FAT3: variants seen among roughly 807,000 people sequenced by gnomAD.
FAT3 encodes FAT atypical cadherin 3.
FAT3 carries 95 observed loss-of-function variants against 310.2 expected under a neutral mutation model. The observed-to-expected ratio is 0.31, with a 90% CI of 0.26 to 0.36. FAT3 has a LOEUF of 0.36. FAT3 is among the 10% of genes least tolerant of loss of function. The pLI is 1.00. For missense variants in FAT3, 5,408 were observed against 5,715.6 expected (o/e 0.95, Z 1.74); for synonymous variants, 2,314 against 2,192.9 (o/e 1.06, Z -1.54).
intron 1 of FAT3, among the ~76,000 whole-genome samples, chr11:92,255,717 A>C (rs1249320969): frequency 6.6e-6 from 1 of 152,142 alleles, no homozygotes; most frequent in Non-Finnish European, 1.5e-5. Flanking sequence ...TAAGAGTAAC[A>C]CCTGCCCTAT....
At chr11:92,342,835 A>AT (rs1165085375) in intron 1 of FAT3, among the ~76,000 whole-genome samples, 2 of 152,050 alleles carry the variant, frequency 1.3e-5, no homozygotes, top group African/African-American at 4.8e-5. Context: ...TTTCTGGCAC[A>AT]TTTTTTCAGA....
chr11:92,866,942 A>G lies in FAT3; in HGVS notation c.11860A>G (p.Ser3954Gly), dbSNP rs2136349469. 6.2e-7 allele frequency: 1 copy of G among 1,613,728 alleles called. No individual in the cohort carries two copies. Among genetic ancestry groups the G allele is most frequent in the South Asian group, 1.1e-5 (1 of 91,036 alleles). The change falls in exon 22 of 28, where the codon AGT becomes GGT. Residue 3954 changes from serine to glycine, a missense_variant. This residue lies in a region of FAT3 where 4,588 missense variants were observed against 4,809.8 expected (regional missense o/e 0.95). Transcript: ENST00000525166. ...CTACTTCCAGACGCTGAGCACTGAG[A>G]GTAGCATCTACTTCGGCGCCCTGGT... ...PLYFQTLSTE[S>G]SIYFGALVQA...
intron 3 of FAT3, among the ~76,000 whole-genome samples, chr11:92,645,116 A>G (rs977953466): frequency 6.6e-6 from 1 of 152,230 alleles, no homozygotes; most frequent in East Asian, 1.9e-4. Flanking sequence ...GCAAAGAACA[A>G]TTCTTAAAAT....
At chr11:92,594,785 C>T (rs113381313) in intron 3 of FAT3, among the ~76,000 whole-genome samples, 1 of 152,080 alleles carries the variant, frequency 6.6e-6, no homozygotes, top group Non-Finnish European at 1.5e-5. Flanking sequence ...CCAGCACCCA[C>T]CCCCATTTCC....
chr11:92,470,797 G>A (rs1322051783), intron 2 of FAT3, among the ~76,000 whole-genome samples: 1 of 152,036 alleles, frequency 6.6e-6, no homozygotes, highest in East Asian at 1.9e-4. Context: ...TCTCTTAGAT[G>A]CATTTTATCC....
intron 2 of FAT3, among the ~76,000 whole-genome samples, chr11:92,442,111 A>ATATATATATTTTTTTTTT (rs1453396603): frequency 1.1e-4 from 5 of 45,218 alleles, no homozygotes; most frequent in African/African-American, 9.1e-4. Flanking sequence ...ATATATATAT[A>ATATATATATTTTTTTTTT]TTTTTTTTTT....
Position 92,844,351 on chromosome 11 carries a change from G to C in FAT3, c.10984G>C (p.Val3662Leu). Residue 3662 changes from valine to leucine, a missense_variant, in exon 19 of 28, where the codon GTG becomes CTG. Physicochemically the swap from Val to Leu is conservative, Grantham distance 32 (BLOSUM62 1). Transcript: ENST00000525166. ...TGAAAATGTGTCCCCTGAGGACTTC[G>C]TGGGGCTGCACATGCATGGGTTCCG... The part of the protein sequence containing the change: ...RFENVSPEDF[V>L]GLHMHGFRRT... 1 of 1,613,946 alleles carries C rather than the reference G, an allele frequency of 6.2e-7. No homozygotes were observed. Among genetic ancestry groups the C allele is most frequent in the Non-Finnish European group, 8.5e-7 (1 of 1,179,904 alleles).
In FAT3 at chr11:92,402,740, AAAG is replaced by A. The variant is rs201768698; in HGVS notation, c.3292+47339_3292+47341del. 1.9e-3 allele frequency among the ~76,000 whole-genome samples: 294 copies of A among 151,676 alleles called. 1 individual carries two copies. Among genetic ancestry groups the A allele is most frequent in the African/African-American group, 6.8e-3 (283 of 41,326 alleles). On this transcript the variant is annotated intron_variant, in intron 2 of 27. Transcript: ENST00000525166. ...GAGTGAGACCCCCTCTCAAAAAAAAAAAGAAAGAAAGAAAAGAAAAAGAACTTT... is the reference window on the plus strand; with the variant it reads ...GAGTGAGACCCCCTCTCAAAAAAAAAAAAGAAAGAAAAGAAAAAGAACTTT...
intron 3 of FAT3, among the ~76,000 whole-genome samples, chr11:92,595,104 C>T (rs1239888190): frequency 1.3e-4 from 20 of 151,996 alleles, no homozygotes. Flanking sequence ...CCTTATTTTT[C>T]ACTACCTCCT....
intron 1 of FAT3, among the ~76,000 whole-genome samples, chr11:92,297,509 T>C (rs988203561): frequency 6.6e-6 from 1 of 152,096 alleles, no homozygotes; most frequent in Admixed American, 6.6e-5. Context: ...TTTTCAGGTA[T>C]TTATTGGTAA....
At chr11:92,780,225 A>G (rs548249456) in intron 7 of FAT3, among the ~76,000 whole-genome samples, 22 of 149,910 alleles carry the variant, frequency 1.5e-4, no homozygotes, top group African/African-American at 4.7e-4. Context: ...GCAGTGGCAC[A>G]ATCACGACTC....
chr11:92,340,559 C>A, intron 1 of FAT3, among the ~76,000 whole-genome samples: 1 of 152,156 alleles, frequency 6.6e-6, no homozygotes, highest in East Asian at 1.9e-4. Flanking sequence ...ACCAGGATCC[C>A]AAAGAGGGGA....
In FAT3 at chr11:92,757,003, C is replaced by T. The variant is rs189769502; in HGVS notation, c.3670-4853C>T. On this transcript the variant is annotated intron_variant, in intron 4 of 27. Coordinates refer to ENST00000525166, the MANE Select transcript of FAT3 (RefSeq NM_001367949.2). ...GCAGTGGCGCGATCTCAGCTCACTG[C>T]AACCTCCGCCTCCCGGGTTCAAGCA... is the stretch of plus-strand genomic sequence containing the variant. Among the ~76,000 whole-genome samples, 1,371 of 145,962 alleles carry T rather than the reference C, an allele frequency of 9.4e-3. 26 individuals are homozygous for T. Among genetic ancestry groups the T allele is most frequent in the African/African-American group, 0.033 (1,284 of 38,644 alleles).
rs1375835629 is a variant in FAT3 at position 92,764,897 on chromosome 11, G to A, written c.4003G>A (p.Gly1335Arg). 1 of 1,613,502 alleles carries A rather than the reference G, an allele frequency of 6.2e-7. No individual in the cohort carries two copies. The highest frequency in any genetic ancestry group is 8.5e-7 in the Non-Finnish European group (1 of 1,179,738). ...DILTIKAVDN[G>R]RPQKSSTARL... is the part of the protein sequence containing the mutation. ...TGAGTAGATAAAGGCAGTGGACAATGGGCGCCCACAGAAATCCTCCACGGC... is the reference window on the plus strand; with the variant it reads ...TGAGTAGATAAAGGCAGTGGACAATAGGCGCCCACAGAAATCCTCCACGGC... Residue 1335 changes from glycine to arginine, a missense_variant, in exon 6 of 28, where the codon GGG (glycine) becomes AGG (arginine). By Grantham distance (125) the Gly-to-Arg change is moderately radical. Around this residue, in one of 5 missense-constraint regions of FAT3, gnomAD observed 4,588 missense variants for 4,809.8 expected, o/e 0.95. Coordinates refer to ENST00000525166, the MANE Select transcript of FAT3 (RefSeq NM_001367949.2).
chr11:92,666,749 T>C (rs950023351), intron 3 of FAT3, among the ~76,000 whole-genome samples: 41 of 152,128 alleles, frequency 2.7e-4, no homozygotes, highest in African/African-American at 9.9e-4. Context: ...GGCATAGCAC[T>C]GTGGTGGGTG....
intron 4 of FAT3, among the ~76,000 whole-genome samples, chr11:92,756,980 A>G (rs1311453684): frequency 7.6e-6 from 1 of 131,180 alleles, no homozygotes; most frequent in African/African-American, 3.0e-5. Context: ...GCTGGAGTGC[A>G]GTGGCGCGAT....
At chr11:92,349,283 A>G (rs1254069470) in intron 1 of FAT3, among the ~76,000 whole-genome samples, 1 of 151,962 alleles carries the variant, frequency 6.6e-6, no homozygotes, top group African/African-American at 2.4e-5. Context: ...CTTACGAGAG[A>G]CTCGCTTACT....
At chr11:92,351,549 C>T (rs1948566562) in intron 1 of FAT3, among the ~76,000 whole-genome samples, 1 of 152,132 alleles carries the variant, frequency 6.6e-6, no homozygotes, top group South Asian at 2.1e-4. Flanking sequence ...TTACATCTTA[C>T]TGCATCTGAA....
chr11:92,328,655 C>T (rs141671487), intron 1 of FAT3, among the ~76,000 whole-genome samples: 5 of 152,306 alleles, frequency 3.3e-5, no homozygotes, highest in Non-Finnish European at 7.3e-5. Flanking sequence ...TTACGAGGCA[C>T]GTGACAGCCG....
Sources: allele counts gnomAD v4.1 joint callset (sites outside exome capture counted in the v4.1 genomes callset), GRCh38; gene constraint gnomAD v4.1.1; regional missense constraint gnomAD v4.1.1; transcripts MANE v1.5; gene names NCBI Gene and HGNC (gene_info 2026-07-23, HGNC 2026-07-21).